Variants in PFKM observed in about 807,000 individuals in gnomAD.
PFKM encodes the protein phosphofructokinase, muscle.
Under a neutral mutation model 95.5 loss-of-function variants are expected in PFKM, and 58 were observed. That is an observed-to-expected ratio of 0.61 (90% CI 0.49 to 0.76). PFKM has a LOEUF of 0.76. Among genes scored for constraint, PFKM ranks in the 30% least tolerant of loss-of-function variants. The pLI, the probability that PFKM is intolerant of heterozygous loss-of-function variation, is 0.00. For synonymous variants in PFKM, 336 were observed against 357.2 expected (o/e 0.94, Z 0.67); for missense variants, 678 against 1,005.4 (o/e 0.67, Z 4.40).
rs375982432 is a variant in PFKM, at chr12:48,135,397, C to T, written c.936+14C>T. The T allele has an allele frequency of 6.3e-7, 1 of 1,581,714 alleles. No homozygotes were observed. The highest frequency in any genetic ancestry group is 1.3e-5 in the African/African-American group (1 of 74,416). On this transcript the variant is annotated intron_variant, in intron 10 of 22. Coordinates refer to ENST00000359794, the MANE Select transcript of PFKM (RefSeq NM_000289.6). ...GACAGAATTCTGGTAAGTCACTGGG[C>T]TGTGTGGCCCTCATGCCTTGAAACC...
At chr12:48,136,205 C>T (rs1339369970) in intron 10 of PFKM, among the ~76,000 whole-genome samples, 2 of 152,142 alleles carry the variant, frequency 1.3e-5, no homozygotes, top group Non-Finnish European at 2.9e-5. Context: ...TCATTCTTAA[C>T]CTCTGGCAAC....
At chr12:48,115,372 C>T (rs1256054684), upstream of PFKM, among the ~76,000 whole-genome samples, 1 of 152,126 alleles carries the variant, frequency 6.6e-6, no homozygotes, top group African/African-American at 2.4e-5. Context: ...GGTGGATTAT[C>T]ATTAGTTCTT....
At chr12:48,107,355 C>T (rs1340137531) in intron 1 of PFKM, 1 of 1,555,928 alleles carries the variant, frequency 6.4e-7, no homozygotes, top group South Asian at 1.1e-5. Context: ...AACTCTGTCT[C>T]TATTTCTAGG....
chr12:48,105,504 T>A, upstream of PFKM: 2 of 519,090 alleles, frequency 3.9e-6, no homozygotes, highest in Admixed American at 1.9e-5. Context: ...GCACTAGCGA[T>A]ATCACATCTC....
intron 1 of PFKM, chr12:48,106,232 A>C: frequency 1.5e-6 from 1 of 647,618 alleles, no homozygotes; most frequent in Non-Finnish European, 2.8e-6. Flanking sequence ...CGAGAAGCGA[A>C]GGGAGCATTT....
rs113212553 is a variant in PFKM at position 48,121,656 on chromosome 12, T to C, written c.-8-1111T>C. Among the ~76,000 whole-genome samples, 1,466 of 152,252 alleles carry C rather than the reference T, an allele frequency of 9.6e-3. 28 individuals are homozygous for C. Among genetic ancestry groups the C allele is most frequent in the African/African-American group, 0.034 (1,405 of 41,540 alleles). On this transcript the variant is annotated intron_variant, in intron 1 of 22. Coordinates refer to ENST00000359794, the MANE Select transcript of PFKM (RefSeq NM_000289.6). ...ATCTCCACTGAAGCCTAGGGACCTA[T>C]GACCTTCCTATGAAGGTTTATTTTG...
intron 2 of PFKM, among the ~76,000 whole-genome samples, chr12:48,126,999 G>C (rs965793490): frequency 6.6e-6 from 1 of 152,154 alleles, no homozygotes; most frequent in Non-Finnish European, 1.5e-5. Flanking sequence ...TGTGAACTTA[G>C]GCTTCTAGAC....
chr12:48,136,213 A>G (rs141041167), intron 10 of PFKM, among the ~76,000 whole-genome samples: 4 of 152,310 alleles, frequency 2.6e-5, no homozygotes, highest in African/African-American at 9.6e-5. Flanking sequence ...AACCTCTGGC[A>G]ACCACTAATC....
chr12:48,107,408 T>G, exon 2 of PFKM: 1 of 1,598,926 alleles, frequency 6.3e-7, no homozygotes, highest in Non-Finnish European at 8.5e-7. Flanking sequence ...AAATTTTTCA[T>G]GTGTGTGATT....
chr12:48,107,335 G>A (rs1374521137), intron 1 of PFKM: 34 of 1,404,500 alleles, frequency 2.4e-5, no homozygotes, highest in Middle Eastern at 1.8e-4. Flanking sequence ...AGCTCTGTTC[G>A]TTTGGATTAA....
At chr12:48,107,951 A>T in intron 2 of PFKM, 1 of 924,380 alleles carries the variant, frequency 1.1e-6, no homozygotes, top group Non-Finnish European at 1.6e-6. Context: ...CTAATTTTTC[A>T]CTGGATTTTT....
intron 2 of PFKM, among the ~76,000 whole-genome samples, chr12:48,126,511 G>A (rs796300291): frequency 5.3e-5 from 8 of 152,264 alleles, no homozygotes; most frequent in African/African-American, 1.9e-4. Flanking sequence ...CTTATTGTGA[G>A]ATTTTTTTTG....
chr12:48,107,065 A>G (rs550799087), intron 1 of PFKM, among the ~76,000 whole-genome samples: 10 of 152,234 alleles, frequency 6.6e-5, no homozygotes, highest in East Asian at 5.8e-4. Flanking sequence ...TGCCCCCTTA[A>G]TAGGTCCTTT....
At chr12:48,140,579 A>G in intron 13 of PFKM, 143 bp from the exon 14 acceptor site, 1 of 831,156 alleles carries the variant, frequency 1.2e-6, no homozygotes, top group South Asian at 1.4e-5. Flanking sequence ...TCCTTGGGAG[A>G]GGGGTGTGTG....
Position 48,134,807 on chromosome 12 carries a change from A to C in PFKM, c.725A>C (p.His242Pro), listed in dbSNP as rs1204875342. ...ECPPDDDWEE[H>P]LCRRLSETRT... The stretch of plus-strand genomic sequence containing the variant: ...CCACCAGATGACGACTGGGAGGAAC[A>C]CCTTTGTCGCCGACTCAGCGAGGTA... Residue 242 changes from histidine to proline, a missense_variant, in exon 8 of 23, where the codon CAC becomes CCC. Transcript: ENST00000359794. 1 of 1,613,852 alleles carries C rather than the reference A, an allele frequency of 6.2e-7. No homozygotes were observed.
intron 14 of PFKM, 130 bp downstream of exon 14, chr12:48,141,001 G>A: frequency 2.1e-6 from 2 of 967,054 alleles, no homozygotes; most frequent in Non-Finnish European, 3.2e-6. Flanking sequence ...CCAGGCAGAA[G>A]TAGATATTTA....
chr12:48,112,698 T>C (rs1313007226), intron 3 of PFKM, among the ~76,000 whole-genome samples: 1 of 152,182 alleles, frequency 6.6e-6, no homozygotes, highest in African/African-American at 2.4e-5. Flanking sequence ...ACGGGGTGGA[T>C]AAGCAAGACA....
In PFKM at chr12:48,108,140, C is replaced by G. The variant is rs756600345; in HGVS notation, c.151C>G (p.Leu51Val). The G allele has an allele frequency of 1.9e-6, 3 of 1,599,164 alleles. No individual in the cohort carries two copies. The South Asian group carries it at 3.3e-5, about 18-fold the overall frequency. ...ACCAAAGACAGACATCTTGAAGAGT[C>G]TAGATACTATGGATGATCCAGACAC... The change falls in exon 3 of 25, where the codon CTA becomes GTA. Residue 51 changes from leucine (L) to valine (V), a missense_variant. Transcript: ENST00000340802.
Position 48,134,750 on chromosome 12 carries a change from G to A in PFKM, c.668G>A (p.Cys223Tyr). 12 of 1,614,094 alleles carry A rather than the reference G, an allele frequency of 7.4e-6. No homozygotes were observed. Among genetic ancestry groups the A allele is most frequent in the Non-Finnish European group, 1.0e-5 (12 of 1,179,928 alleles). The change falls in exon 8 of 23, where the codon TGT becomes TAT. Residue 223 changes from cysteine to tyrosine, a missense_variant. Coordinates refer to ENST00000359794, the MANE Select transcript of PFKM (RefSeq NM_000289.6). The part of the protein sequence containing the change: ...GYLALVTSLS[C>Y]GADWVFIPEC... ...CTGGCCCTTGTCACCTCTCTGTCCT[G>A]TGGGGCCGACTGGGTTTTTATTCCT...
Sources: allele counts gnomAD v4.1 joint callset (sites outside exome capture counted in the v4.1 genomes callset), GRCh38; gene constraint gnomAD v4.1.1; transcripts MANE v1.5; gene names NCBI Gene and HGNC (gene_info 2026-07-23, HGNC 2026-07-21).